Variants in RAPH1 observed in about 807,000 individuals in gnomAD.
RAPH1 encodes the protein Ras association (RalGDS/AF-6) and pleckstrin homology domains 1.
Under a neutral mutation model 88.1 loss-of-function variants are expected in RAPH1, and 18 were observed. The ratio of observed to expected loss-of-function variants is 0.20; its 90% CI spans 0.14 to 0.30. The LOEUF (loss-of-function observed/expected upper bound fraction) is 0.30, where lower values mean the gene tolerates loss of function less well. RAPH1 is among the 10% of genes least tolerant of loss of function. The pLI is 1.00. For missense variants in RAPH1, 1,448 were observed against 1,543.2 expected (o/e 0.94, Z 1.03); for synonymous variants, 587 against 559.0 (o/e 1.05, Z -0.71).
At chr2:203,484,875 C>T (rs1687894426) in intron 4 of RAPH1, among the ~76,000 whole-genome samples, 1 of 152,172 alleles carries the variant, frequency 6.6e-6, no homozygotes, top group Admixed American at 6.5e-5. Flanking sequence ...TCACTCAGTT[C>T]TGAATAAATA....
At chr2:203,521,639 CAA>C (rs1229297715) in intron 1 of RAPH1, among the ~76,000 whole-genome samples, 3 of 144,146 alleles carry the variant, frequency 2.1e-5, no homozygotes, top group African/African-American at 8.3e-5. Flanking sequence ...AAATTAAAAA[CAA>C]ATTTTATTTT....
chr2:203,520,399 G>A (rs140274075), intron 1 of RAPH1, among the ~76,000 whole-genome samples: 4,442 of 151,526 alleles, frequency 0.029, 87 homozygotes, highest in Non-Finnish European at 0.046. Flanking sequence ...AGGCCGAGGC[G>A]GGTGGATCAC....
intron 10 of RAPH1, among the ~76,000 whole-genome samples, chr2:203,453,529 G>C (rs1035469306): frequency 1.9e-5 from 2 of 105,546 alleles, no homozygotes; most frequent in African/African-American, 7.3e-5. Flanking sequence ...CTGGGTGACA[G>C]AGCAAGACCC....
intron 8 of RAPH1, among the ~76,000 whole-genome samples, chr2:203,457,171 T>G (rs918035261): frequency 1.3e-4 from 20 of 151,798 alleles, no homozygotes; most frequent in African/African-American, 4.6e-4. Flanking sequence ...TATTTAATAT[T>G]TTATTTTATT....
intron 4 of RAPH1, among the ~76,000 whole-genome samples, chr2:203,480,709 C>T (rs1687683086): frequency 6.6e-6 from 1 of 152,176 alleles, no homozygotes; most frequent in African/African-American, 2.4e-5. Flanking sequence ...GAAGTGGAGG[C>T]TTATGACCAC....
intron 1 of RAPH1, among the ~76,000 whole-genome samples, chr2:203,532,288 GA>G (rs1221921673): frequency 5.3e-5 from 8 of 152,300 alleles, no homozygotes; most frequent in African/African-American, 1.9e-4. Context: ...TTAATGGGAA[GA>G]ATTTCAGTTT....
At chr2:203,498,079 T>A (rs1177038845) in intron 1 of RAPH1, among the ~76,000 whole-genome samples, 1 of 152,176 alleles carries the variant, frequency 6.6e-6, no homozygotes, top group East Asian at 1.9e-4. Context: ...ACTAAACACA[T>A]TGGAATAACC....
In RAPH1 at chr2:203,438,387, A is replaced by C. The variant is rs920961707; in HGVS notation, c.*1050T>G. On this transcript the variant is annotated 3_prime_UTR_variant, in exon 14 of 14. Coordinates refer to ENST00000319170, the MANE Select transcript of RAPH1 (RefSeq NM_213589.3). The stretch of plus-strand genomic sequence containing the variant: ...ATTTTAGAAAATGATTTTGTTTTTC[A>C]TAATGCACCATATTGGGGCACAGGA... 2.9e-6 allele frequency: 1 copy of C among 349,782 alleles called. No homozygotes were observed. The highest frequency in any genetic ancestry group is 5.7e-6 in the Non-Finnish European group (1 of 176,910). The allele number at this position is 349,782 out of a possible 1,614,324, so 21.7% of individuals were successfully genotyped here.
rs576004170 is a variant in RAPH1 at position 203,504,885 on chromosome 2, C to T, written c.1-9532G>A. Among the ~76,000 whole-genome samples the T allele has an allele frequency of 7.2e-5, 11 of 152,234 alleles. No homozygotes were observed. The East Asian group carries it at 9.7e-4, about 13-fold the overall frequency. The stretch of plus-strand genomic sequence containing the variant: ...AATCTCTAGCGCAGGGGCAAAATGC[C>T]GCCAGTGTCTTTGCTAAAACATAAT... On this transcript the variant is annotated intron_variant, in intron 1 of 13. Transcript: ENST00000319170.
chr2:203,476,966 T>C, intron 4 of RAPH1: 1 of 761,166 alleles, frequency 1.3e-6, no homozygotes, highest in Non-Finnish European at 2.2e-6. Context: ...AAGTTTGGTT[T>C]AATTTTTATT....
chr2:203,440,293 G>C lies in RAPH1; in HGVS notation c.2897C>G (p.Pro966Arg). ...PGKKTSKTSS[P>R]GGKKPPPTPQ... ...GGTTGGGGGTGGTTTCTTTCCCCCAGGGCTGGACGTCTTACTGGTCTTTTT... is the reference window on the plus strand; with the variant it reads ...GGTTGGGGGTGGTTTCTTTCCCCCACGGCTGGACGTCTTACTGGTCTTTTT... Residue 966 changes from proline to arginine, a missense_variant, in exon 14 of 14, where the codon CCT becomes CGT. Transcript: ENST00000319170. 1.2e-6 allele frequency: 2 copies of C among 1,613,798 alleles called. No homozygotes were observed. Among genetic ancestry groups the C allele is most frequent in the South Asian group, 1.1e-5 (1 of 91,046 alleles).
Position 203,453,545 on chromosome 2 carries a change from CAAAAAAAAAAAA to C in RAPH1, c.1413+873_1413+884del, listed in dbSNP as rs59304139. Among the ~76,000 whole-genome samples the C allele has an allele frequency of 3.2e-4, 9 of 28,270 alleles. 1 individual carries two copies. The highest frequency in any genetic ancestry group is 2.9e-3 in the South Asian group (1 of 348). The allele number at this position is 28,270 out of a possible 152,430, so 18.5% of individuals were successfully genotyped here. Reference sequence around the variant, plus strand: ...TGGGTGACAGAGCAAGACCCTGCCTCAAAAAAAAAAAAAAAAAAAAAAAAAAAAAAGGTTGCT... The same window carrying C: ...TGGGTGACAGAGCAAGACCCTGCCTCAAAAAAAAAAAAAAAAAAGGTTGCT... On this transcript the variant is annotated intron_variant, in intron 10 of 13. Transcript: ENST00000319170.
chr2:203,509,309 C>T (rs1689230109), intron 1 of RAPH1, among the ~76,000 whole-genome samples: 1 of 152,036 alleles, frequency 6.6e-6, no homozygotes, highest in South Asian at 2.1e-4. Flanking sequence ...GATCCAACCA[C>T]CTTGGCCTCC....
At position 203,440,895 on chromosome 2, in the gene RAPH1, TGG is replaced by T; in HGVS notation, c.2293_2294del (p.Pro765ThrfsTer157). On this transcript the variant is annotated frameshift_variant, in exon 14 of 14. Coordinates refer to ENST00000319170, the MANE Select transcript of RAPH1 (RefSeq NM_213589.3). LOFTEE classifies it low-confidence loss of function (END_TRUNC). ...ITQVAPPTPP[P>X]PPPIPAPLPP... The stretch of plus-strand genomic sequence containing the variant: ...GGAGGGGTGCAGGGATAGGAGGAGG[TGG>T]GGGGGGTGTTGGGGGAGCCACCTGA... The T allele has an allele frequency of 5.9e-5, 13 of 220,572 alleles. No homozygotes were observed. Among genetic ancestry groups the T allele is most frequent in the Non-Finnish European group, 6.2e-5 (9 of 145,924 alleles). 13.7% of individuals were successfully genotyped at this position (220,572 alleles called of 1,614,324 possible).
At chr2:203,455,004 T>C (rs1028983410) in intron 9 of RAPH1, among the ~76,000 whole-genome samples, 1 of 152,134 alleles carries the variant, frequency 6.6e-6, no homozygotes, top group Admixed American at 6.5e-5. Flanking sequence ...CTAGATGAGA[T>C]AATACTGTAA....
intron 1 of RAPH1, among the ~76,000 whole-genome samples, chr2:203,504,331 G>A (rs545897759): frequency 6.6e-6 from 1 of 152,318 alleles, no homozygotes; most frequent in South Asian, 2.1e-4. Flanking sequence ...CTCAGTTCTT[G>A]ACTTCTGTGC....
At chr2:203,484,323 G>T (rs1334199594) in intron 4 of RAPH1, among the ~76,000 whole-genome samples, 1 of 152,128 alleles carries the variant, frequency 6.6e-6, no homozygotes, top group African/African-American at 2.4e-5. Flanking sequence ...GGTGCCACAC[G>T]ATTTAAAATG....
intron 4 of RAPH1, among the ~76,000 whole-genome samples, chr2:203,472,114 G>A (rs1164414996): frequency 6.6e-6 from 1 of 151,182 alleles, no homozygotes; most frequent in East Asian, 1.9e-4. Context: ...GCCATTCTTT[G>A]GTTTCTTTAG....
rs759486048 is a variant in RAPH1 at position 203,440,216 on chromosome 2, G to A, written c.2974C>T (p.Pro992Ser). ...KSSSGAEHPE[P>S]KRPSVDSLVS... ...AGACTGTCCACCGAGGGTCTCTTGG[G>A]CTCGGGGTGCTCTGCACCACTGCTG... is the stretch of plus-strand genomic sequence containing the variant. The change falls in exon 14 of 14, where the codon CCC becomes TCC. Residue 992 changes from proline (P) to serine (S), a missense_variant. By Grantham distance (74) the Pro-to-Ser change is moderately conservative. Transcript: ENST00000319170. 6.2e-7 allele frequency: 1 copy of A among 1,614,002 alleles called. No homozygotes were observed. Among genetic ancestry groups the A allele is most frequent in the Non-Finnish European group, 8.5e-7 (1 of 1,180,016 alleles).
Sources: allele counts gnomAD v4.1 joint callset (sites outside exome capture counted in the v4.1 genomes callset), GRCh38; gene constraint gnomAD v4.1.1; transcripts MANE v1.5; gene names NCBI Gene and HGNC (gene_info 2026-07-23, HGNC 2026-07-21).